The following CTNNA3 variants were observed in gnomAD, a reference collection of about 807,000 sequenced individuals.
CTNNA3 encodes catenin alpha 3.
In CTNNA3, 76 loss-of-function variants were observed where a neutral mutation model predicts 95.7. That is an observed-to-expected ratio of 0.79 (90% CI 0.66 to 0.96). CTNNA3 has a LOEUF of 0.96. Among genes scored for constraint, CTNNA3 ranks in the 40% least tolerant of loss-of-function variants. The pLI is 0.00. For synonymous variants in CTNNA3, 431 were observed against 374.4 expected (o/e 1.15, Z -1.74); for missense variants, 1,191 against 1,089.8 (o/e 1.09, Z -1.31).
intron 11 of CTNNA3, among the ~76,000 whole-genome samples, chr10:66,477,256 C>T (rs1017149009): frequency 1.3e-5 from 2 of 151,812 alleles, no homozygotes; most frequent in African/African-American, 4.8e-5. Flanking sequence ...CATTTCTGGG[C>T]CTTATCAATA....
At chr10:67,634,856 G>C (rs1839255354) in intron 2 of CTNNA3, among the ~76,000 whole-genome samples, 1 of 151,944 alleles carries the variant, frequency 6.6e-6, no homozygotes. Context: ...AAGATACTTA[G>C]ATTGGGAAAT....
chr10:67,025,760 C>A (rs1024505344), intron 7 of CTNNA3, among the ~76,000 whole-genome samples: 1 of 151,996 alleles, frequency 6.6e-6, no homozygotes, highest in African/African-American at 2.4e-5. Flanking sequence ...AACATATGTT[C>A]TTAATTTTTA....
chr10:67,270,964 G>A (rs1482344702), intron 5 of CTNNA3, among the ~76,000 whole-genome samples: 2 of 152,006 alleles, frequency 1.3e-5, no homozygotes, highest in African/African-American at 2.4e-5. Flanking sequence ...AAATCTAAGC[G>A]TTCCTAAAAC....
At chr10:67,385,445 C>T (rs1844116205) in intron 5 of CTNNA3, among the ~76,000 whole-genome samples, 1 of 152,158 alleles carries the variant, frequency 6.6e-6, no homozygotes, top group Non-Finnish European at 1.5e-5. Flanking sequence ...TTTTGAGGTG[C>T]CCCTAATCTC....
At chr10:67,559,497 C>T (rs938697046) in intron 3 of CTNNA3, among the ~76,000 whole-genome samples, 1 of 152,100 alleles carries the variant, frequency 6.6e-6, no homozygotes, top group African/African-American at 2.4e-5. Flanking sequence ...TGTACATGAC[C>T]ATCATCAAAG....
intron 2 of CTNNA3, among the ~76,000 whole-genome samples, chr10:67,638,604 TG>T (rs1564800700): frequency 6.6e-6 from 1 of 152,188 alleles, no homozygotes; most frequent in East Asian, 1.9e-4. Context: ...ACCACATAGT[TG>T]GAAGTAAAGC....
intron 2 of CTNNA3, among the ~76,000 whole-genome samples, chr10:67,638,782 G>A (rs1273381645): frequency 1.3e-5 from 2 of 152,106 alleles, no homozygotes; most frequent in Admixed American, 6.6e-5. Flanking sequence ...CAAAATGAAG[G>A]CAGAAATAAA....
At chr10:67,735,356 T>C (rs1841297139) in intron 1 of CTNNA3, among the ~76,000 whole-genome samples, 1 of 151,868 alleles carries the variant, frequency 6.6e-6, no homozygotes, top group Non-Finnish European at 1.5e-5. Flanking sequence ...AATCAGGAAA[T>C]AAAATATAGT....
At chr10:67,387,700 C>G (rs1844250690) in intron 5 of CTNNA3, among the ~76,000 whole-genome samples, 1 of 152,204 alleles carries the variant, frequency 6.6e-6, no homozygotes, top group Admixed American at 6.5e-5. Flanking sequence ...TCCCAGCACG[C>G]AGCTGGAGAT....
intron 9 of CTNNA3, among the ~76,000 whole-genome samples, chr10:66,748,274 A>G (rs1838970885): frequency 6.6e-6 from 1 of 152,246 alleles, no homozygotes; most frequent in African/African-American, 2.4e-5. Flanking sequence ...GCAATTCCGC[A>G]GACATTTTCA....
intron 7 of CTNNA3, among the ~76,000 whole-genome samples, chr10:66,837,082 C>A (rs1042937634): frequency 7.9e-5 from 12 of 151,630 alleles, no homozygotes; most frequent in African/African-American, 2.9e-4. Flanking sequence ...GATCAATGTG[C>A]AGAGAAAAAA....
At chr10:67,728,057 T>C (rs867167351) in intron 1 of CTNNA3, among the ~76,000 whole-genome samples, 33 of 141,946 alleles carry the variant, frequency 2.3e-4, no homozygotes, top group Middle Eastern at 3.7e-3. Context: ...TATATATAAT[T>C]ATATGTATAT....
chr10:66,965,792 G>A (rs1286243709), intron 7 of CTNNA3, among the ~76,000 whole-genome samples: 1 of 152,056 alleles, frequency 6.6e-6, no homozygotes, highest in African/African-American at 2.4e-5. Context: ...ATATAGGAGG[G>A]TAGAACAGTA....
chr10:66,106,388 AT>A (rs1299337008), intron 13 of CTNNA3, among the ~76,000 whole-genome samples: 7 of 147,382 alleles, frequency 4.7e-5, no homozygotes, highest in Non-Finnish European at 9.0e-5. Flanking sequence ...TTTCTAATCA[AT>A]TTCATTCTGT....
chr10:67,019,280 G>A (rs574171136), intron 7 of CTNNA3, among the ~76,000 whole-genome samples: 14 of 152,222 alleles, frequency 9.2e-5, no homozygotes, highest in African/African-American at 2.2e-4. Context: ...GTGTAATGGC[G>A]TTATCTTGGC....
Position 67,749,043 on chromosome 10 carries a change from T to C in CTNNA3, c.-2+14391A>G, listed in dbSNP as rs543444935. Among the ~76,000 whole-genome samples the C allele has an allele frequency of 2.4e-3, 359 of 152,084 alleles. 1 individual carries two copies. The highest frequency in any genetic ancestry group is 0.01 in the Middle Eastern group (3 of 292). On this transcript the variant is annotated intron_variant, in intron 1 of 17. Coordinates refer to the CTNNA3 transcript ENST00000684154. ...AAAACAGACTTTAAACCAACAAAGATCAAAAAAGACAAGGGCAGTACTTAA... is the reference window on the plus strand; with the variant it reads ...AAAACAGACTTTAAACCAACAAAGACCAAAAAAGACAAGGGCAGTACTTAA...
chr10:66,926,748 A>T (rs536712184), intron 7 of CTNNA3, among the ~76,000 whole-genome samples: 4 of 152,266 alleles, frequency 2.6e-5, no homozygotes, highest in African/African-American at 4.8e-5. Flanking sequence ...TTAACTATTT[A>T]AAAAAACAAA....
chr10:67,303,073 A>G (rs1420267856), intron 5 of CTNNA3, among the ~76,000 whole-genome samples: 1 of 152,188 alleles, frequency 6.6e-6, no homozygotes, highest in Non-Finnish European at 1.5e-5. Flanking sequence ...TATTGTAATA[A>G]ACTCATCCAG....
At position 67,185,605 on chromosome 10, in the gene CTNNA3, G is replaced by A. The variant is rs185738986; in HGVS notation, c.844-5085C>T. 2.4e-4 allele frequency among the ~76,000 whole-genome samples: 37 copies of A among 152,148 alleles called. 1 individual carries two copies. The highest frequency in any genetic ancestry group is 4.9e-4 in the Non-Finnish European group (33 of 68,016). On this transcript the variant is annotated intron_variant, in intron 6 of 17. Coordinates refer to ENST00000433211, the MANE Select transcript of CTNNA3 (RefSeq NM_013266.4). ...AACCATAATCCCTACAATGGGGCTG[G>A]CCATCAGTTAAGGCTTCATTCATCT...
Sources: gnomAD v4.1 joint callset for allele counts (sites outside exome capture counted in the v4.1 genomes callset) on GRCh38, gnomAD v4.1.1 for gene constraint, MANE v1.5 for transcripts, NCBI Gene and HGNC (gene_info 2026-07-23, HGNC 2026-07-21) for gene names.